The following LRRC4C variants were observed in gnomAD, a reference collection of about 807,000 sequenced individuals.
LRRC4C encodes leucine rich repeat containing 4C.
Under a neutral mutation model 33.6 loss-of-function variants are expected in LRRC4C, and 5 were observed. That is an observed-to-expected ratio of 0.15 (90% confidence interval 0.08 to 0.31). The LOEUF (loss-of-function observed/expected upper bound fraction) is 0.31, where lower values mean the gene tolerates loss of function less well. Ranked by LOEUF, LRRC4C falls within the 10% of genes least tolerant of loss-of-function variation. The pLI is 1.00. For synonymous variants in LRRC4C, 329 were observed against 302.0 expected (o/e 1.09, Z -0.93); for missense variants, 560 against 796.7 (o/e 0.70, Z 3.58).
chr11:40,441,186 G>T (rs1951377579), intron 3 of LRRC4C, among the ~76,000 whole-genome samples: 2 of 152,088 alleles, frequency 1.3e-5, no homozygotes, highest in African/African-American at 4.8e-5. Context: ...TCTTATAACT[G>T]CATTTACTGG....
intron 3 of LRRC4C, among the ~76,000 whole-genome samples, chr11:40,619,151 G>A (rs1200357089): frequency 1.3e-5 from 2 of 151,648 alleles, no homozygotes; most frequent in East Asian, 3.9e-4. Context: ...TGGGGGTTGG[G>A]GGAGATTTGG....
chr11:40,615,761 T>C (rs1025713433), intron 3 of LRRC4C, among the ~76,000 whole-genome samples: 2 of 151,882 alleles, frequency 1.3e-5, no homozygotes, highest in East Asian at 3.9e-4. Context: ...ACATTCCCTC[T>C]TAACCTTAAA....
chr11:40,209,469 T>C (rs1408316735), intron 5 of LRRC4C, among the ~76,000 whole-genome samples: 2 of 152,192 alleles, frequency 1.3e-5, no homozygotes, highest in African/African-American at 2.4e-5. Flanking sequence ...ACAATCAAAG[T>C]ACAATTTGGG....
At chr11:41,455,216 T>C (rs1228249140) in intron 1 of LRRC4C, among the ~76,000 whole-genome samples, 3 of 152,110 alleles carry the variant, frequency 2.0e-5, no homozygotes, top group Non-Finnish European at 2.9e-5. Context: ...TTTATATAAT[T>C]CCCAAGTGTA....
intron 3 of LRRC4C, among the ~76,000 whole-genome samples, chr11:40,561,527 C>G (rs566973118): frequency 6.6e-6 from 1 of 151,324 alleles, no homozygotes; most frequent in African/African-American, 2.4e-5. Context: ...ATTCTCCTGC[C>G]TCAGCTTCCC....
At chr11:41,142,736 CTA>C (rs1399379889) in intron 1 of LRRC4C, among the ~76,000 whole-genome samples, 2 of 152,204 alleles carry the variant, frequency 1.3e-5, no homozygotes, top group South Asian at 4.1e-4. Flanking sequence ...TGAAAGTGCT[CTA>C]TGTTTTGATG....
intron 1 of LRRC4C, among the ~76,000 whole-genome samples, chr11:41,023,803 C>T (rs17506323): frequency 0.023 from 3,554 of 151,676 alleles, 65 homozygotes; most frequent in Middle Eastern, 0.048. Flanking sequence ...TTGAGGACTA[C>T]GTTGTAGGGA....
chr11:40,254,099 C>G (rs1393564919), intron 4 of LRRC4C, among the ~76,000 whole-genome samples: 2 of 152,190 alleles, frequency 1.3e-5, no homozygotes, highest in Non-Finnish European at 2.9e-5. Flanking sequence ...TCTGACCTTT[C>G]CCGTATCCTT....
intron 5 of LRRC4C, among the ~76,000 whole-genome samples, chr11:40,151,672 G>A (rs764225961): frequency 6.6e-6 from 1 of 152,102 alleles, no homozygotes. Flanking sequence ...AAGCCCCCTT[G>A]ATGAAGGCCA....
rs139936694 is a variant in LRRC4C at position 40,622,237 on chromosome 11, CT to C, written c.-270+25904del. On this transcript the variant is annotated intron_variant, in intron 3 of 6. Coordinates refer to ENST00000528697, the MANE Select transcript of LRRC4C (RefSeq NM_001258419.2). ...TATATTTTTCAAATCCAAATTTATA[CT>C]GTAAAATCACCTAATTATGAAAAGC... Among the ~76,000 whole-genome samples, 26 of 151,986 alleles carry C rather than the reference CT, an allele frequency of 1.7e-4. 1 individual carries two copies. The highest frequency in any genetic ancestry group is 6.3e-4 in the African/African-American group (26 of 41,524).
chr11:40,124,630 G>A (rs1459863245), intron 6 of LRRC4C, among the ~76,000 whole-genome samples: 1 of 152,142 alleles, frequency 6.6e-6, no homozygotes, highest in Non-Finnish European at 1.5e-5. Flanking sequence ...TGGAGATAGA[G>A]AGCAGAATGA....
At chr11:40,693,827 A>C (rs1591481510) in intron 2 of LRRC4C, among the ~76,000 whole-genome samples, 1 of 152,222 alleles carries the variant, frequency 6.6e-6, no homozygotes, top group Middle Eastern at 3.4e-3. Flanking sequence ...GAATGACACA[A>C]CGACATAGTC....
At chr11:40,195,509 C>A (rs1433551109) in intron 5 of LRRC4C, among the ~76,000 whole-genome samples, 2 of 151,802 alleles carry the variant, frequency 1.3e-5, no homozygotes, top group African/African-American at 4.8e-5. Flanking sequence ...ATGTGGGTAG[C>A]AGAGGTGGGG....
intron 1 of LRRC4C, among the ~76,000 whole-genome samples, chr11:41,415,782 C>T (rs909192750): frequency 6.6e-6 from 1 of 152,078 alleles, no homozygotes; most frequent in Non-Finnish European, 1.5e-5. Flanking sequence ...GCTTCTAAAC[C>T]TCATAATGTA....
At chr11:40,792,687 C>T (rs61888009) in intron 2 of LRRC4C, among the ~76,000 whole-genome samples, 2,133 of 152,070 alleles carry the variant, frequency 0.014, 29 homozygotes, top group African/African-American at 0.033. Context: ...CACATGCACA[C>T]GTATGTTTAT....
intron 2 of LRRC4C, among the ~76,000 whole-genome samples, chr11:40,898,755 C>T (rs2136171909): frequency 6.7e-6 from 1 of 150,304 alleles, no homozygotes; most frequent in African/African-American, 2.5e-5. Flanking sequence ...TTTAAAAATT[C>T]CTTGCTTTAT....
At chr11:40,711,376 G>A (rs1346083620) in intron 2 of LRRC4C, among the ~76,000 whole-genome samples, 1 of 152,022 alleles carries the variant, frequency 6.6e-6, no homozygotes, top group Non-Finnish European at 1.5e-5. Context: ...ACCTTATTTT[G>A]GTATACTCAT....
At chr11:41,284,615 C>T (rs1175636618) in intron 1 of LRRC4C, among the ~76,000 whole-genome samples, 1 of 152,154 alleles carries the variant, frequency 6.6e-6, no homozygotes, top group Non-Finnish European at 1.5e-5. Flanking sequence ...GCACTTGTCC[C>T]CAGCAGCCCT....
chr11:41,443,550 GTCTC>G (rs370073713), intron 1 of LRRC4C, among the ~76,000 whole-genome samples: 278 of 151,914 alleles, frequency 1.8e-3, no homozygotes, highest in Non-Finnish European at 3.2e-3. Context: ...AATAAAGGGA[GTCTC>G]TCTCTCCTTT....
Sources: allele counts gnomAD v4.1 joint callset (sites outside exome capture counted in the v4.1 genomes callset), GRCh38; gene constraint gnomAD v4.1.1; transcripts MANE v1.5; gene names NCBI Gene and HGNC (gene_info 2026-07-23, HGNC 2026-07-21).